CNNM3: variants seen among roughly 807,000 people sequenced by gnomAD.
CNNM3 encodes the protein metal transporter CNNM3.
CNNM3 carries 47 observed loss-of-function variants against 57.1 expected under a neutral mutation model. That is an observed-to-expected ratio of 0.82 (90% CI 0.65 to 1.05). The LOEUF (loss-of-function observed/expected upper bound fraction) is 1.05, where lower values mean the gene tolerates loss of function less well. Among genes scored for constraint, CNNM3 ranks in the 50% least tolerant of loss-of-function variants. CNNM3 has a pLI of 0.00. For synonymous variants in CNNM3, 507 were observed against 478.2 expected, an observed-to-expected ratio of 1.06 and a Z score of -0.79; for missense variants, 957 against 973.7, an observed-to-expected ratio of 0.98 and a Z score of 0.23.
intron 2 of CNNM3, among the ~76,000 whole-genome samples, chr2:96,826,456 C>G (rs1296793964): frequency 6.6e-6 from 1 of 152,226 alleles, no homozygotes; most frequent in Non-Finnish European, 1.5e-5. Flanking sequence ...TTAAGTGATC[C>G]TCCCGCCTCA....
Position 96,816,438 on chromosome 2 carries a change from C to T in CNNM3, c.161C>T (p.Ala54Val), listed in dbSNP as rs1466477968. The T allele has an allele frequency of 2.1e-6, 3 of 1,415,214 alleles. No individual in the cohort carries two copies. The highest frequency in any genetic ancestry group is 2.8e-6 in the Non-Finnish European group (3 of 1,084,378). 87.7% of individuals were successfully genotyped at this position (1,415,214 alleles called of 1,614,324 possible). A position where few individuals can be genotyped will look rare whatever the true frequency, so the allele number is the denominator to read the frequency against. Residue 54 changes from alanine to valine, a missense_variant, in exon 1 of 8, where the codon GCG becomes GTG. By Grantham distance (64) the Ala-to-Val change is moderately conservative. Coordinates refer to ENST00000305510, the MANE Select transcript of CNNM3 (RefSeq NM_017623.5). ...GCGGGTTGGGTACGCGGAGGGGCGG[C>T]GCGGGACACGCCGGACGCCACCTTC... is the stretch of plus-strand genomic sequence containing the variant. ...AGAGWVRGGA[A>V]RDTPDATFLL...
intron 7 of CNNM3, 120 bp from the exon 8 acceptor site, chr2:96,832,432 A>G: frequency 6.4e-7 from 1 of 1,553,346 alleles, no homozygotes; most frequent in East Asian, 2.3e-5. Flanking sequence ...ATACTTCCCA[A>G]GGCATCCCGA....
intron 1 of CNNM3, among the ~76,000 whole-genome samples, chr2:96,821,817 G>A (rs2079410898): frequency 6.6e-6 from 1 of 152,122 alleles, no homozygotes; most frequent in Admixed American, 6.6e-5. Context: ...AAAATAAAGT[G>A]TTGAATATCT....
intron 1 of CNNM3, among the ~76,000 whole-genome samples, chr2:96,819,702 G>A (rs2079378673): frequency 6.6e-6 from 1 of 152,142 alleles, no homozygotes; most frequent in African/African-American, 2.4e-5. Flanking sequence ...TCTGGTGTCT[G>A]GCTTCAGCTG....
In CNNM3 at chr2:96,826,850, A is replaced by G. The variant is rs2079515292; in HGVS notation, c.1387A>G (p.Arg463Gly). The G allele has an allele frequency of 6.2e-7, 1 of 1,614,108 alleles. No individual in the cohort carries two copies. Among genetic ancestry groups the G allele is most frequent in the Admixed American group, 1.7e-5 (1 of 60,012 alleles). The change falls in exon 3 of 8, where the codon AGG becomes GGG. Residue 463 changes from arginine (R) to glycine (G), a missense_variant. Physicochemically the swap from Arg to Gly is moderately radical, Grantham distance 125. Around this residue, in one of 2 missense-constraint regions of CNNM3, gnomAD observed 491 missense variants for 570.6 expected, o/e 0.86. Transcript: ENST00000305510. The part of the protein sequence containing the change: ...SEDYRDTVVK[R>G]KPASLMAPLK... ...CATCTTAGGAGACACCGTGGTGAAG[A>G]GGAAGCCTGCTTCTCTGATGGCCCC...
chr2:96,825,194 A>G lies in CNNM3; in HGVS notation c.1362A>G (p.Glu454=), dbSNP rs762538739. The G allele has an allele frequency of 3.7e-6, 6 of 1,614,038 alleles. No individual in the cohort carries two copies. Among genetic ancestry groups the G allele is most frequent in the Admixed American group, 3.3e-5 (2 of 60,020 alleles). The change falls in exon 2 of 8, where the codon GAA becomes GAG. Residue 454 remains glutamate, a synonymous_variant. Coordinates refer to ENST00000305510, the MANE Select transcript of CNNM3 (RefSeq NM_017623.5). ...GGTCCGAGATCCTGGACGAGTCTGA[A>G]GACTACCGTGAGTCCAGACTCTTGG... ...IIRSEILDES[E]DYRDTVVKRK...
rs573097940 is a variant in CNNM3, at chr2:96,817,346, T to G, written c.1069T>G (p.Ser357Ala). 1.9e-6 allele frequency: 3 copies of G among 1,614,104 alleles called. No individual in the cohort carries two copies. In the African/African-American group the frequency reaches 4.0e-5, roughly 22 times the overall value. The change falls in exon 1 of 8, where the codon TCC (serine) becomes GCC (alanine). Residue 357 changes from serine to alanine, a missense_variant. Physicochemically the swap from Ser to Ala is moderately conservative, Grantham distance 99 (BLOSUM62 1). Coordinates refer to ENST00000305510, the MANE Select transcript of CNNM3 (RefSeq NM_017623.5). ...CATCCCGGTGTACGAGGAGGAGCGC[T>G]CCAACATCGTGGACATGCTCTACCT... ...TRIPVYEEER[S>A]NIVDMLYLKD...
chr2:96,831,856 C>A, intron 7 of CNNM3: 1 of 446,454 alleles, frequency 2.2e-6, no homozygotes, highest in African/African-American at 2.1e-5. Context: ...AGCTCTCCCT[C>A]AGCTTCCCCT....
At position 96,832,530 on chromosome 2, in the gene CNNM3, C is replaced by T. The variant is rs759512268; in HGVS notation, c.2060-22C>T. 33 of 1,613,832 alleles carry T rather than the reference C, an allele frequency of 2.0e-5. No individual in the cohort carries two copies. In the South Asian group the frequency reaches 3.1e-4, roughly 15 times the overall value. On this transcript the variant is annotated intron_variant, in intron 7 of 7. Transcript: ENST00000305510. The stretch of plus-strand genomic sequence containing the variant: ...TACTTTACCAGCTTTGATGTTAATT[C>T]TCCTTCCCTTGTCTCCTGTAGGGTC...
intron 1 of CNNM3, among the ~76,000 whole-genome samples, chr2:96,823,582 A>G (rs973407968): frequency 2.6e-5 from 4 of 152,218 alleles, no homozygotes; most frequent in Admixed American, 6.5e-5. Context: ...GAGACGATTC[A>G]TGTGGCCATT....
At chr2:96,823,571 G>A (rs1472951587) in intron 1 of CNNM3, among the ~76,000 whole-genome samples, 1 of 152,248 alleles carries the variant, frequency 6.6e-6, no homozygotes, top group Non-Finnish European at 1.5e-5. Flanking sequence ...CGGAAAGCGG[G>A]GAGACGATTC....
rs2079641225 is a variant in CNNM3, at chr2:96,833,557, GTT to G, written c.*945_*946del. The stretch of plus-strand genomic sequence containing the variant: ...GTGGATCCTCTTTAAAAAAAAAAAA[GTT>G]TTTGTTATATCTCTAGAACATTTCA... On this transcript the variant is annotated 3_prime_UTR_variant, in exon 8 of 8. Coordinates refer to ENST00000305510, the MANE Select transcript of CNNM3 (RefSeq NM_017623.5). 1 of 152,546 alleles carries G rather than the reference GTT, an allele frequency of 6.6e-6. No individual in the cohort carries two copies. Among genetic ancestry groups the G allele is most frequent in the Non-Finnish European group, 1.5e-5 (1 of 68,406 alleles). 9.4% of individuals were successfully genotyped at this position (152,546 alleles called of 1,614,324 possible).
In CNNM3 at chr2:96,833,972, C is replaced by A. The variant is rs2079649146; in HGVS notation, c.*1356C>A. The A allele has an allele frequency of 6.6e-6, 1 of 152,358 alleles. No individual in the cohort carries two copies. The highest frequency in any genetic ancestry group is 2.4e-5 in the African/African-American group (1 of 41,456). The allele number at this position is 152,358 out of a possible 1,614,324, so 9.4% of individuals were successfully genotyped here. ...TCACTCTGTCACCCAGGCTGGAGTGCAGTGGTGAGATCTTGGCTCACTGCA... is the reference window on the plus strand; with the variant it reads ...TCACTCTGTCACCCAGGCTGGAGTGAAGTGGTGAGATCTTGGCTCACTGCA... On this transcript the variant is annotated 3_prime_UTR_variant, in exon 8 of 8. Transcript: ENST00000305510.
downstream of CNNM3, among the ~76,000 whole-genome samples, chr2:96,836,207 C>T (rs1344900341): frequency 6.6e-6 from 1 of 151,294 alleles, no homozygotes; most frequent in Non-Finnish European, 1.5e-5. Context: ...TTCAGCTCCC[C>T]ATGTAGATGG....
downstream of CNNM3, among the ~76,000 whole-genome samples, chr2:96,835,756 C>G (rs1016530310): frequency 2.0e-5 from 3 of 152,146 alleles, no homozygotes; most frequent in African/African-American, 7.2e-5. Context: ...CGTGAGCCAC[C>G]GCACCTGGCC....
Position 96,816,887 on chromosome 2 carries a change from C to G in CNNM3, c.610C>G (p.Leu204Val), listed in dbSNP as rs1468624137. ...GGGCGCGCTGCTGCTGCTGGCCAGC[C>G]TGGCGCAGGCGGCGCTGGCGGTGCT... ...ALGALLLLAS[L>V]AQAALAVLLY... The change falls in exon 1 of 8, where the codon CTG becomes GTG. Residue 204 changes from leucine (L) to valine (V), a missense_variant. Around this residue, in one of 2 missense-constraint regions of CNNM3, gnomAD observed 466 missense variants for 403.1 expected, o/e 1.16. Transcript: ENST00000305510. The G allele has an allele frequency of 1.8e-6, 2 of 1,113,552 alleles. No individual in the cohort carries two copies. Among genetic ancestry groups the G allele is most frequent in the African/African-American group, 3.3e-5 (2 of 59,838 alleles). 69.0% of individuals were successfully genotyped at this position (1,113,552 alleles called of 1,614,324 possible).
In CNNM3 at chr2:96,816,721, A is replaced by AGCGCTGGCGCGAGGCCTGCAGCTGAGC; in HGVS notation, c.455_481dup (p.Arg152_Ala160dup). 4.9e-6 allele frequency: 5 copies of AGCGCTGGCGCGAGGCCTGCAGCTGAGC among 1,011,956 alleles called. No individual in the cohort carries two copies. The highest frequency in any genetic ancestry group is 5.9e-6 in the Non-Finnish European group (5 of 849,420). 62.7% of individuals were successfully genotyped at this position (1,011,956 alleles called of 1,614,324 possible). On this transcript the variant is annotated inframe_insertion, in exon 1 of 8. Transcript: ENST00000305510. Reference sequence around the variant, plus strand: ...GGGCGGCCGGGCTGCTGGCGCTGGCAGCGCTGGCGCGAGGCCTGCAGCTGA... The same window carrying AGCGCTGGCGCGAGGCCTGCAGCTGAGC: ...GGGCGGCCGGGCTGCTGGCGCTGGCAGCGCTGGCGCGAGGCCTGCAGCTGAGCGCGCTGGCGCGAGGCCTGCAGCTGA...
chr2:96,836,077 CCCCT>C (rs1288146292), downstream of CNNM3, among the ~76,000 whole-genome samples: 1 of 135,068 alleles, frequency 7.4e-6, no homozygotes, highest in African/African-American at 3.6e-5. Flanking sequence ...TTCACCCCTC[CCCCT>C]CCCCCCCTTT....
At position 96,832,543 on chromosome 2, in the gene CNNM3, C is replaced by T; in HGVS notation, c.2060-9C>T. Reference sequence around the variant, plus strand: ...TTGATGTTAATTCTCCTTCCCTTGTCTCCTGTAGGGTCCAGCCACAGCAGG... The same window carrying T: ...TTGATGTTAATTCTCCTTCCCTTGTTTCCTGTAGGGTCCAGCCACAGCAGG... On this transcript the variant is annotated splice_polypyrimidine_tract_variant and intron_variant, in intron 7 of 7. Transcript: ENST00000305510. The T allele has an allele frequency of 6.2e-7, 1 of 1,614,206 alleles. No homozygotes were observed. Among genetic ancestry groups the T allele is most frequent in the Non-Finnish European group, 8.5e-7 (1 of 1,180,032 alleles).
Sources: gnomAD v4.1 joint callset for allele counts (sites outside exome capture counted in the v4.1 genomes callset) on GRCh38, gnomAD v4.1.1 for gene constraint, gnomAD v4.1.1 regional missense constraint, MANE v1.5 for transcripts, NCBI Gene and HGNC (gene_info 2026-07-23, HGNC 2026-07-21) for gene names.